OR2F1: variants seen among roughly 807,000 people sequenced by gnomAD.
The protein encoded by OR2F1 is olfactory receptor family 2 subfamily F member 1.
For missense variants in OR2F1, 389 were observed against 378.2 expected (o/e 1.03, Z -0.24); for synonymous variants, 146 against 155.3 (o/e 0.94, Z 0.44).
chr7:143,962,192 A>T lies in OR2F1; in HGVS notation c.*1268A>T, dbSNP rs78069801. 4.6e-5 allele frequency: 7 copies of T among 152,338 alleles called. No homozygotes were observed. The East Asian group carries it at 9.6e-4, about 21-fold the overall frequency. The allele number at this position is 152,338 out of a possible 1,614,324, so 9.4% of individuals were successfully genotyped here. A position where few individuals can be genotyped will look rare whatever the true frequency, so the allele number is the denominator to read the frequency against. ...CAGTTCTTACATTTGTCAACACATC[A>T]TCATAGAATCTAAGAGTTTTTACAG... On this transcript the variant is annotated 3_prime_UTR_variant, in exon 3 of 3. Transcript: ENST00000641412.
At position 143,963,264 on chromosome 7, in the gene OR2F1, C is replaced by T. The variant is rs1475607085; in HGVS notation, c.*2340C>T. ...GAAGATGCTATATCTTCATTTCTGC[C>T]AGCGGTCGTGTGGTCACGGTGTTCG... On this transcript the variant is annotated 3_prime_UTR_variant, in exon 3 of 3. Transcript: ENST00000641412. 2.6e-5 allele frequency: 4 copies of T among 152,162 alleles called. No individual in the cohort carries two copies. The highest frequency in any genetic ancestry group is 5.9e-5 in the Non-Finnish European group (4 of 68,018). 9.4% of individuals were successfully genotyped at this position (152,162 alleles called of 1,614,324 possible). A position where few individuals can be genotyped will look rare whatever the true frequency, so the allele number is the denominator to read the frequency against.
intron 1 of OR2F1, among the ~76,000 whole-genome samples, chr7:143,955,922 C>T (rs924863878): frequency 2.6e-5 from 4 of 152,228 alleles, no homozygotes; most frequent in Middle Eastern, 3.4e-3. Flanking sequence ...GTGAAGAGCA[C>T]AAAAGTCACA....
chr7:143,960,957 C>A lies in OR2F1; in HGVS notation c.*33C>A. On this transcript the variant is annotated 3_prime_UTR_variant, in exon 3 of 3. Transcript: ENST00000641412. ...GTATGACTTAGAGAAAACAGCTTTG[C>A]CTCAGTGTTCTCCACCCAGCTGAGA... 6.6e-7 allele frequency: 1 copy of A among 1,511,594 alleles called. No individual in the cohort carries two copies. The highest frequency in any genetic ancestry group is 9.0e-7 in the Non-Finnish European group (1 of 1,107,928). 93.6% of individuals were successfully genotyped at this position (1,511,594 alleles called of 1,614,324 possible). A position where few individuals can be genotyped will look rare whatever the true frequency, so the allele number is the denominator to read the frequency against.
rs771184781 is a variant in OR2F1, at chr7:143,960,361, C to A, written c.391C>A (p.Arg131=). The part of the protein sequence containing the change: ...DRYVAVCDAL[R]YSAIMHGGLC... ...CTATGTGGCTGTGTGTGATGCCCTG[C>A]GATACTCGGCCATCATGCATGGAGG... The change falls in exon 3 of 3, where the codon CGA becomes AGA. Residue 131 remains arginine (R), a synonymous_variant. Coordinates refer to ENST00000641412, the MANE Select transcript of OR2F1 (RefSeq NM_012369.3). The A allele has an allele frequency of 2.5e-6, 4 of 1,614,112 alleles. No homozygotes were observed. The highest frequency in any genetic ancestry group is 1.7e-5 in the Admixed American group (1 of 60,000).
Position 143,959,993 on chromosome 7 carries a change from G to A in OR2F1, c.23G>A (p.Trp8Ter), listed in dbSNP as rs1320375658. 6.2e-7 allele frequency: 1 copy of A among 1,609,844 alleles called. No homozygotes were observed. The highest frequency in any genetic ancestry group is 1.1e-5 in the South Asian group (1 of 90,432). Residue 8 changes from tryptophan (W) to a stop codon, truncating the protein, a stop_gained, in exon 3 of 3, where the codon TGG (tryptophan) becomes TAG (stop). Coordinates refer to ENST00000641412, the MANE Select transcript of OR2F1 (RefSeq NM_012369.3). LOFTEE classifies it low-confidence loss of function (END_TRUNC). MGTDNQT[W>*]VSEFILLGLS... is the part of the protein sequence containing the mutation. ...TTAATGGGAACAGATAACCAGACTT[G>A]GGTGAGTGAATTTATTCTCCTCGGC...
intron 1 of OR2F1, among the ~76,000 whole-genome samples, chr7:143,957,065 C>T (rs1410083700): frequency 2.0e-5 from 3 of 152,188 alleles, no homozygotes; most frequent in African/African-American, 4.8e-5. Flanking sequence ...TTCTGGAATA[C>T]ACTTGGAGCT....
chr7:143,961,063 G>A lies in OR2F1; in HGVS notation c.*139G>A. On this transcript the variant is annotated 3_prime_UTR_variant, in exon 3 of 3. Coordinates refer to ENST00000641412, the MANE Select transcript of OR2F1 (RefSeq NM_012369.3). ...GTACTGTGGATGTTATGGAGGAGGGGGAGTGGTTCAATTGGATGGGGTGTG... is the reference window on the plus strand; with the variant it reads ...GTACTGTGGATGTTATGGAGGAGGGAGAGTGGTTCAATTGGATGGGGTGTG... The A allele has an allele frequency of 1.5e-6, 1 of 668,384 alleles. No individual in the cohort carries two copies. Among genetic ancestry groups the A allele is most frequent in the Non-Finnish European group, 2.6e-6 (1 of 386,528 alleles). 41.4% of individuals were successfully genotyped at this position (668,384 alleles called of 1,614,324 possible). A position where few individuals can be genotyped will look rare whatever the true frequency, so the allele number is the denominator to read the frequency against.
At chr7:143,957,268 G>A (rs2050292347) in intron 1 of OR2F1, among the ~76,000 whole-genome samples, 1 of 152,162 alleles carries the variant, frequency 6.6e-6, no homozygotes, top group Non-Finnish European at 1.5e-5. Flanking sequence ...ATGGTGACAA[G>A]GCAAATTCGA....
rs1291420660 is a variant in OR2F1 at position 143,963,880 on chromosome 7, T to A, written c.*2956T>A. 1 of 152,220 alleles carries A rather than the reference T, an allele frequency of 6.6e-6. No individual in the cohort carries two copies. Among genetic ancestry groups the A allele is most frequent in the African/African-American group, 2.4e-5 (1 of 41,450 alleles). 9.4% of individuals were successfully genotyped at this position (152,220 alleles called of 1,614,324 possible). A position where few individuals can be genotyped will look rare whatever the true frequency, so the allele number is the denominator to read the frequency against. ...AGATGGTGCCTACCCAGATTGAGGA[T>A]GGGCCTGCCTCTCCTAGTCCACTGA... On this transcript the variant is annotated 3_prime_UTR_variant, in exon 3 of 3. Transcript: ENST00000641412.
Position 143,961,183 on chromosome 7 carries a change from C to A in OR2F1, c.*259C>A. The A allele has an allele frequency of 2.4e-6, 1 of 411,672 alleles. No homozygotes were observed. The allele number at this position is 411,672 out of a possible 1,614,324, so 25.5% of individuals were successfully genotyped here. A position where few individuals can be genotyped will look rare whatever the true frequency, so the allele number is the denominator to read the frequency against. On this transcript the variant is annotated 3_prime_UTR_variant, in exon 3 of 3. Coordinates refer to ENST00000641412, the MANE Select transcript of OR2F1 (RefSeq NM_012369.3). ...ACCTCCACTCTTACAGCCTGACAAT[C>A]GTTGAAAAAAAATTACTACTTACTG...
chr7:143,956,182 G>C (rs1442058122), intron 1 of OR2F1, among the ~76,000 whole-genome samples: 1 of 152,118 alleles, frequency 6.6e-6, no homozygotes. Context: ...GAAGTGGTTG[G>C]ATATGAAGCA....
chr7:143,958,365 G>C (rs924566463), intron 1 of OR2F1, among the ~76,000 whole-genome samples: 1 of 152,270 alleles, frequency 6.6e-6, no homozygotes, highest in South Asian at 2.1e-4. Context: ...CACCCTGAGG[G>C]GTGCTGGTGG....
Position 143,959,773 on chromosome 7 carries a change from G to A in OR2F1, c.-23-175G>A, listed in dbSNP as rs574953012. Among the ~76,000 whole-genome samples, 54 of 152,250 alleles carry A rather than the reference G, an allele frequency of 3.5e-4. 1 individual carries two copies. The highest frequency in any genetic ancestry group is 1.2e-3 in the African/African-American group (48 of 41,530). On this transcript the variant is annotated intron_variant, in intron 2 of 2. Coordinates refer to ENST00000641412, the MANE Select transcript of OR2F1 (RefSeq NM_012369.3). ...CAAATTGTGTCTTGTAAAGGCCATAGTTTGTCTCTCTGATGCAAAGTAAAT... is the reference window on the plus strand; with the variant it reads ...CAAATTGTGTCTTGTAAAGGCCATAATTTGTCTCTCTGATGCAAAGTAAAT...
intron 1 of OR2F1, among the ~76,000 whole-genome samples, chr7:143,957,112 AGT>A (rs2050291424): frequency 6.6e-6 from 1 of 152,200 alleles, no homozygotes; most frequent in African/African-American, 2.4e-5. Context: ...TAAAATTGAG[AGT>A]GAGCCATATA....
intron 1 of OR2F1, among the ~76,000 whole-genome samples, chr7:143,957,149 A>G (rs1562995290): frequency 6.6e-6 from 1 of 152,172 alleles, no homozygotes; most frequent in Non-Finnish European, 1.5e-5. Context: ...TATTATAGCT[A>G]GAAATAAAAA....
In OR2F1 at chr7:143,960,171, C is replaced by T; in HGVS notation, c.201C>T (p.Ser67=). The change falls in exon 3 of 3, where the codon TCC becomes TCT. Residue 67 remains serine (S), a synonymous_variant. Transcript: ENST00000641412. The part of the protein sequence containing the change: ...TPMYFFLTNL[S]LVDVSYATSV... ...TGTATTTCTTTCTCACCAACCTCTC[C>T]CTTGTCGATGTCTCCTATGCCACAA... 1 of 1,614,164 alleles carries T rather than the reference C, an allele frequency of 6.2e-7. No individual in the cohort carries two copies.
At chr7:143,957,029 A>G (rs555175459) in intron 1 of OR2F1, among the ~76,000 whole-genome samples, 9 of 152,308 alleles carry the variant, frequency 5.9e-5, no homozygotes, top group Admixed American at 2.0e-4. Context: ...CATTGGTGAG[A>G]TATTTAGGAA....
chr7:143,958,470 A>G (rs2050300733), intron 1 of OR2F1, among the ~76,000 whole-genome samples: 1 of 152,174 alleles, frequency 6.6e-6, no homozygotes, highest in Non-Finnish European at 1.5e-5. Context: ...GTTGTGAACT[A>G]TGAAAGGGAT....
chr7:143,956,773 G>A (rs2050289240), intron 1 of OR2F1, among the ~76,000 whole-genome samples: 1 of 152,064 alleles, frequency 6.6e-6, no homozygotes, highest in South Asian at 2.1e-4. Flanking sequence ...AGTTACATTA[G>A]GGAAATTTAC....
Sources: allele counts gnomAD v4.1 joint callset (sites outside exome capture counted in the v4.1 genomes callset), GRCh38; gene constraint gnomAD v4.1.1; transcripts MANE v1.5; gene names NCBI Gene and HGNC (gene_info 2026-07-23, HGNC 2026-07-21).